The following PRR16 variants were observed in gnomAD, a reference collection of about 807,000 sequenced individuals.
PRR16 encodes the protein protein Largen.
In PRR16, 6 loss-of-function variants were observed where a neutral mutation model predicts 18.2. The ratio of observed to expected loss-of-function variants is 0.33; its 90% CI spans 0.18 to 0.65. PRR16 has a LOEUF of 0.65. Ranked by LOEUF, PRR16 falls within the 30% of genes least tolerant of loss-of-function variation. The pLI, the probability that PRR16 is intolerant of heterozygous loss-of-function variation, is 0.74. For missense variants in PRR16, 412 were observed against 376.6 expected (o/e 1.09, Z -0.78); for synonymous variants, 151 against 147.8 (o/e 1.02, Z -0.16).
the PRR16 span, among the ~76,000 whole-genome samples, chr5:120,751,708 C>T: frequency 5.3e-5 from 8 of 151,904 alleles, no homozygotes; most frequent in Non-Finnish European, 1.2e-4. Flanking sequence ...AAGTTTATGA[C>T]AACATTTTTT....
intron 1 of PRR16, among the ~76,000 whole-genome samples, chr5:120,674,982 C>T (rs1280832690): frequency 6.6e-6 from 1 of 151,862 alleles, no homozygotes; most frequent in African/African-American, 2.4e-5. Flanking sequence ...AGTACATTTT[C>T]AAGCATCTCT....
chr5:120,692,320 G>A (rs893948935), downstream of PRR16, among the ~76,000 whole-genome samples: 2 of 152,272 alleles, frequency 1.3e-5, no homozygotes, highest in Middle Eastern at 3.4e-3. Flanking sequence ...CTCTGTCAGA[G>A]TTCACCCTGA....
At chr5:120,741,829 G>C in the PRR16 span, among the ~76,000 whole-genome samples, 3 of 152,246 alleles carry the variant, frequency 2.0e-5, no homozygotes, top group East Asian at 1.9e-4. Flanking sequence ...CCCAGCTCTT[G>C]ACCTCAGGTA....
intron 1 of PRR16, among the ~76,000 whole-genome samples, chr5:120,612,218 T>C (rs977076648): frequency 1.3e-5 from 2 of 152,158 alleles, no homozygotes; most frequent in African/African-American, 4.8e-5. Context: ...TTTTACAGGC[T>C]CATAGGTAGA....
Position 120,686,508 on chromosome 5 carries a change from C to G in PRR16, c.714C>G (p.Val238=). ...AGGTCCACTTACACAGTGAACCTGT[C>G]CACCCACCGGGAAAGATTCCTCACC... is the stretch of plus-strand genomic sequence containing the variant. ...NREVHLHSEP[V]HPPGKIPHQG... is the part of the protein sequence containing the mutation. Residue 238 remains valine (V), a synonymous_variant, in exon 2 of 2, where the codon GTC becomes GTG. Coordinates refer to ENST00000407149, the MANE Select transcript of PRR16 (RefSeq NM_001300783.2). 1 of 1,613,940 alleles carries G rather than the reference C, an allele frequency of 6.2e-7. No homozygotes were observed. Among genetic ancestry groups the G allele is most frequent in the African/African-American group, 1.3e-5 (1 of 74,996 alleles).
chr5:120,640,320 T>A (rs1755380462), intron 1 of PRR16, among the ~76,000 whole-genome samples: 1 of 151,924 alleles, frequency 6.6e-6, no homozygotes, highest in African/African-American at 2.4e-5. Flanking sequence ...AAAATTCTCA[T>A]GGTCATTTTA....
At chr5:120,710,296 G>C in the PRR16 span, among the ~76,000 whole-genome samples, 1 of 152,060 alleles carries the variant, frequency 6.6e-6, no homozygotes, top group Non-Finnish European at 1.5e-5. Flanking sequence ...GTACATACAA[G>C]GCTTTTTAAA....
At chr5:120,709,242 C>T in the PRR16 span, among the ~76,000 whole-genome samples, 3 of 151,812 alleles carry the variant, frequency 2.0e-5, no homozygotes, top group South Asian at 2.1e-4. Context: ...CTCCTGACCT[C>T]GTGATCTGCC....
the PRR16 span, among the ~76,000 whole-genome samples, chr5:120,751,034 T>A: frequency 6.6e-6 from 1 of 152,102 alleles, no homozygotes; most frequent in Non-Finnish European, 1.5e-5. Context: ...GGAGATCATG[T>A]GATATTTGTC....
At chr5:120,508,354 A>G (rs889237628) in intron 1 of PRR16, among the ~76,000 whole-genome samples, 1 of 152,144 alleles carries the variant, frequency 6.6e-6, no homozygotes, top group Non-Finnish European at 1.5e-5. Flanking sequence ...TGTGTGCTGA[A>G]AACAGTGTTG....
At chr5:120,634,005 A>G (rs1755146472) in intron 1 of PRR16, among the ~76,000 whole-genome samples, 1 of 152,200 alleles carries the variant, frequency 6.6e-6, no homozygotes, top group South Asian at 2.1e-4. Flanking sequence ...TCATTAGCAC[A>G]TGGAACATTC....
intron 1 of PRR16, among the ~76,000 whole-genome samples, chr5:120,608,393 C>T (rs887717370): frequency 6.6e-6 from 1 of 152,126 alleles, no homozygotes; most frequent in African/African-American, 2.4e-5. Flanking sequence ...TTGAAACCAG[C>T]ACTGGTATTC....
chr5:120,758,342 T>A, the PRR16 span, among the ~76,000 whole-genome samples: 1 of 152,106 alleles, frequency 6.6e-6, no homozygotes, highest in African/African-American at 2.4e-5. Context: ...ATAGGCCCCA[T>A]ATGCATCAGC....
intron 1 of PRR16, among the ~76,000 whole-genome samples, chr5:120,660,757 G>A (rs1053076080): frequency 1.3e-5 from 2 of 152,082 alleles, no homozygotes; most frequent in African/African-American, 4.8e-5. Context: ...GCAGTCTTAT[G>A]TGTGTTTTTA....
chr5:120,777,550 G>A, the PRR16 span, among the ~76,000 whole-genome samples: 18 of 148,550 alleles, frequency 1.2e-4, no homozygotes, highest in Non-Finnish European at 9.1e-5. Context: ...GTCCTTTATG[G>A]TTTATTATGA....
intron 1 of PRR16, among the ~76,000 whole-genome samples, chr5:120,657,832 T>C (rs1756036259): frequency 6.6e-6 from 1 of 151,952 alleles, no homozygotes; most frequent in Non-Finnish European, 1.5e-5. Context: ...CACCTTCTGC[T>C]TTTTGTTCAT....
chr5:120,792,921 G>A, the PRR16 span, among the ~76,000 whole-genome samples: 1 of 152,162 alleles, frequency 6.6e-6, no homozygotes, highest in African/African-American at 2.4e-5. Context: ...AGAGGCCGAG[G>A]CCAGGGGGAT....
chr5:120,469,896 G>C (rs1749214258), intron 1 of PRR16, among the ~76,000 whole-genome samples: 1 of 152,128 alleles, frequency 6.6e-6, no homozygotes, highest in South Asian at 2.1e-4. Context: ...TCAACACTTA[G>C]AGAATTAGCT....
At chr5:120,507,739 A>G (rs1378521360) in intron 1 of PRR16, among the ~76,000 whole-genome samples, 1 of 151,762 alleles carries the variant, frequency 6.6e-6, no homozygotes, top group Admixed American at 6.6e-5. Flanking sequence ...CTAGTTAACC[A>G]TTTTTTTTAA....
Sources: allele counts gnomAD v4.1 joint callset (sites outside exome capture counted in the v4.1 genomes callset), GRCh38; gene constraint gnomAD v4.1.1; transcripts MANE v1.5; gene names NCBI Gene and HGNC (gene_info 2026-07-23, HGNC 2026-07-21).